The following EPHA6 variants were observed in gnomAD, a reference collection of about 807,000 sequenced individuals.
EPHA6 encodes ephrin type-A receptor 6.
Under a neutral mutation model 112.0 loss-of-function variants are expected in EPHA6, and 50 were observed. The observed-to-expected ratio is 0.45, with a 90% CI of 0.36 to 0.56. The LOEUF (loss-of-function observed/expected upper bound fraction) is 0.56, where lower values mean the gene tolerates loss of function less well. Among genes scored for constraint, EPHA6 ranks in the 20% least tolerant of loss-of-function variants. EPHA6 has a pLI of 0.00. For missense variants in EPHA6, 1,280 were observed against 1,417.4 expected (o/e 0.90, Z 1.56); for synonymous variants, 529 against 490.7 (o/e 1.08, Z -1.03).
chr3:97,398,251 T>C (rs1559957709), intron 5 of EPHA6, among the ~76,000 whole-genome samples: 1 of 151,514 alleles, frequency 6.6e-6, no homozygotes, highest in South Asian at 2.1e-4. Context: ...AAACTGAAAA[T>C]TAACCATAAG....
chr3:96,867,646 G>C (rs1576185823), intron 2 of EPHA6, among the ~76,000 whole-genome samples: 1 of 151,788 alleles, frequency 6.6e-6, no homozygotes, highest in East Asian at 1.9e-4. Flanking sequence ...AGATACACTT[G>C]GGTTAGCTTT....
chr3:97,109,149 A>G (rs750646986), intron 3 of EPHA6, among the ~76,000 whole-genome samples: 8 of 152,182 alleles, frequency 5.3e-5, no homozygotes, highest in Non-Finnish European at 1.2e-4. Flanking sequence ...GGTTATAAAT[A>G]TTTTTGAATG....
At chr3:96,907,188 C>T (rs563571965) in intron 2 of EPHA6, among the ~76,000 whole-genome samples, 1 of 151,752 alleles carries the variant, frequency 6.6e-6, no homozygotes, top group Non-Finnish European at 1.5e-5. Flanking sequence ...TTAGCACTTT[C>T]TTGAAGATTT....
chr3:97,451,085 T>C (rs987325581), intron 7 of EPHA6, among the ~76,000 whole-genome samples: 9 of 151,930 alleles, frequency 5.9e-5, no homozygotes, highest in Middle Eastern at 3.4e-3. Flanking sequence ...GGTGAGGAGA[T>C]GAAAATTGTA....
intron 5 of EPHA6, among the ~76,000 whole-genome samples, chr3:97,380,609 C>G (rs1038695736): frequency 1.3e-5 from 2 of 152,114 alleles, no homozygotes; most frequent in African/African-American, 4.8e-5. Flanking sequence ...TACCCATTTA[C>G]TCTTAAAGGA....
At chr3:97,419,158 C>T (rs868525639) in intron 6 of EPHA6, among the ~76,000 whole-genome samples, 29 of 152,042 alleles carry the variant, frequency 1.9e-4, no homozygotes, top group Middle Eastern at 6.8e-3. Context: ...TACAAAATTG[C>T]GGGGCATGGT....
At chr3:97,627,964 T>A (rs1272797832) in intron 13 of EPHA6, among the ~76,000 whole-genome samples, 1 of 151,944 alleles carries the variant, frequency 6.6e-6, no homozygotes, top group African/African-American at 2.4e-5. Flanking sequence ...ACTACTGAAA[T>A]GAGGCCTAGT....
At chr3:96,846,981 T>C (rs2035108860) in intron 1 of EPHA6, among the ~76,000 whole-genome samples, 1 of 152,088 alleles carries the variant, frequency 6.6e-6, no homozygotes. Context: ...CGCATCTTTA[T>C]GGTAGCAATA....
chr3:97,333,453 C>G (rs549478244), intron 5 of EPHA6, among the ~76,000 whole-genome samples: 1 of 143,964 alleles, frequency 6.9e-6, no homozygotes, highest in East Asian at 2.0e-4. Flanking sequence ...TTCCTTTACA[C>G]TCTGTATGGC....
At chr3:97,500,889 C>A (rs2092100427) in intron 10 of EPHA6, among the ~76,000 whole-genome samples, 1 of 152,052 alleles carries the variant, frequency 6.6e-6, no homozygotes, top group African/African-American at 2.4e-5. Context: ...CTACTATTAT[C>A]TTCATATAAT....
chr3:97,247,829 C>A (rs2079027257), intron 5 of EPHA6, among the ~76,000 whole-genome samples: 1 of 151,820 alleles, frequency 6.6e-6, no homozygotes, highest in Non-Finnish European at 1.5e-5. Flanking sequence ...AATAAGATTG[C>A]TCATGAGGTC....
At chr3:97,713,806 T>C (rs1397987624) in intron 14 of EPHA6, among the ~76,000 whole-genome samples, 3 of 152,224 alleles carry the variant, frequency 2.0e-5, no homozygotes, top group African/African-American at 7.2e-5. Context: ...CTGGTCAAGC[T>C]GCAGACAGAA....
chr3:97,747,542 C>T lies in EPHA6; in HGVS notation c.3248C>T (p.Thr1083Ile). Residue 1083 changes from threonine to isoleucine, a missense_variant, in exon 17 of 18, where the codon ACA becomes ATA. Physicochemically the swap from Thr to Ile is moderately conservative, Grantham distance 89 (BLOSUM62 -1). This residue lies in a region of EPHA6 where 145 missense variants were observed against 153.3 expected (regional missense o/e 0.95). Transcript: ENST00000389672. Reference protein sequence around the residue: ...KNNFVAAGFTTFDLISRMSID... With the variant: ...KNNFVAAGFTIFDLISRMSID... ...AACTTCGTGGCAGCAGGGTTTACAACATTTGACCTGATTTCAAGAATGAGC... is the reference window on the plus strand; with the variant it reads ...AACTTCGTGGCAGCAGGGTTTACAATATTTGACCTGATTTCAAGAATGAGC... 1 of 1,608,516 alleles carries T rather than the reference C, an allele frequency of 6.2e-7. No homozygotes were observed. Among genetic ancestry groups the T allele is most frequent in the Non-Finnish European group, 8.5e-7 (1 of 1,177,212 alleles).
chr3:97,627,886 T>C (rs1411943952), intron 13 of EPHA6, among the ~76,000 whole-genome samples: 2 of 151,956 alleles, frequency 1.3e-5, no homozygotes, highest in African/African-American at 4.8e-5. Flanking sequence ...TCTCTTGGGA[T>C]GGGACATATG....
At chr3:97,175,700 T>C (rs1034716382) in intron 3 of EPHA6, among the ~76,000 whole-genome samples, 7 of 151,910 alleles carry the variant, frequency 4.6e-5, no homozygotes, top group African/African-American at 1.7e-4. Flanking sequence ...TATTCACTGT[T>C]GGCAGATAAG....
intron 3 of EPHA6, among the ~76,000 whole-genome samples, chr3:96,995,483 A>G (rs1332865339): frequency 6.6e-6 from 1 of 152,138 alleles, no homozygotes; most frequent in African/African-American, 2.4e-5. Flanking sequence ...TCTTGAAAAG[A>G]ATGTGAAATC....
At chr3:96,911,013 A>G (rs1322247218) in intron 2 of EPHA6, among the ~76,000 whole-genome samples, 2 of 152,030 alleles carry the variant, frequency 1.3e-5, no homozygotes, top group Non-Finnish European at 2.9e-5. Flanking sequence ...TTACTTTGAT[A>G]TATTTGCTTG....
intron 2 of EPHA6, among the ~76,000 whole-genome samples, chr3:96,962,861 G>C (rs147113860): frequency 1.3e-5 from 2 of 151,936 alleles, no homozygotes; most frequent in African/African-American, 4.8e-5. Flanking sequence ...CAAATGAAAA[G>C]GAGGGAGCAT....
chr3:97,117,896 G>A (rs1417410475), intron 3 of EPHA6, among the ~76,000 whole-genome samples: 1 of 151,628 alleles, frequency 6.6e-6, no homozygotes, highest in East Asian at 1.9e-4. Flanking sequence ...CTTATATGTG[G>A]TAGTTCATAT....
Sources: allele counts gnomAD v4.1 joint callset (sites outside exome capture counted in the v4.1 genomes callset), GRCh38; gene constraint gnomAD v4.1.1; regional missense constraint gnomAD v4.1.1; transcripts MANE v1.5; gene names NCBI Gene and HGNC (gene_info 2026-07-23, HGNC 2026-07-21).